The following TMEM131L variants were observed in gnomAD, a reference collection of about 807,000 sequenced individuals.
TMEM131L encodes the protein transmembrane protein 131-like.
Under a neutral mutation model 192.2 loss-of-function variants are expected in TMEM131L, and 54 were observed. That is an observed-to-expected ratio of 0.28 (90% CI 0.23 to 0.35). The LOEUF (loss-of-function observed/expected upper bound fraction) is 0.35. Among genes scored for constraint, TMEM131L ranks in the 10% least tolerant of loss-of-function variants. TMEM131L has a pLI of 1.00. For missense variants in TMEM131L, 1,888 were observed against 1,972.9 expected (o/e 0.96, Z 0.82); for synonymous variants, 701 against 704.9 (o/e 0.99, Z 0.09).
At chr4:153,570,436 A>G (rs1395237588) in intron 7 of TMEM131L, among the ~76,000 whole-genome samples, 1 of 152,108 alleles carries the variant, frequency 6.6e-6, no homozygotes. Context: ...ATTAGTCAGG[A>G]GGCTAATCTG....
intron 3 of TMEM131L, among the ~76,000 whole-genome samples, chr4:153,535,531 C>T (rs547895865): frequency 6.6e-5 from 10 of 151,900 alleles, no homozygotes; most frequent in Admixed American, 1.3e-4. Flanking sequence ...AGGTGGCCAG[C>T]GAGTTAGGGG....
intron 9 of TMEM131L, among the ~76,000 whole-genome samples, chr4:153,582,980 T>C (rs1475065463): frequency 6.6e-6 from 1 of 152,022 alleles, no homozygotes; most frequent in East Asian, 1.9e-4. Context: ...TAGGCATTTT[T>C]ATGAGGATCT....
chr4:153,605,488 C>T (rs1732162717), intron 25 of TMEM131L, among the ~76,000 whole-genome samples: 1 of 152,232 alleles, frequency 6.6e-6, no homozygotes, highest in Non-Finnish European at 1.5e-5. Flanking sequence ...CCATCCCAGC[C>T]TCCTGAGTAG....
At chr4:153,522,125 G>A (rs1735162887) in intron 3 of TMEM131L, among the ~76,000 whole-genome samples, 1 of 152,118 alleles carries the variant, frequency 6.6e-6, no homozygotes, top group Non-Finnish European at 1.5e-5. Context: ...ATTTTCAAGA[G>A]AGTGAGAAAT....
At chr4:153,574,425 T>A (rs1729798079) in intron 7 of TMEM131L, among the ~76,000 whole-genome samples, 5 of 152,138 alleles carry the variant, frequency 3.3e-5, no homozygotes, top group Admixed American at 3.3e-4. Context: ...CAGGAAACAC[T>A]AAATTAGGAG....
At chr4:153,484,737 A>G (rs13111094) in intron 3 of TMEM131L, among the ~76,000 whole-genome samples, 68,697 of 145,658 alleles carry the variant, frequency 0.47, 16,811 homozygotes, top group African/African-American at 0.61. Context: ...CAAAGTGCTG[A>G]GATTACAGGC....
intron 3 of TMEM131L, among the ~76,000 whole-genome samples, chr4:153,518,037 A>T (rs1734856463): frequency 6.6e-6 from 1 of 152,106 alleles, no homozygotes; most frequent in African/African-American, 2.4e-5. Context: ...GGGGTGAAAA[A>T]AAAAACAGTA....
At chr4:153,610,746 T>C (rs1732554480) in intron 25 of TMEM131L, among the ~76,000 whole-genome samples, 1 of 152,192 alleles carries the variant, frequency 6.6e-6, no homozygotes, top group African/African-American at 2.4e-5. Context: ...GCTCCTTTCC[T>C]TCTGTGGGTG....
intron 25 of TMEM131L, among the ~76,000 whole-genome samples, chr4:153,611,374 G>A (rs998379940): frequency 1.3e-5 from 2 of 152,236 alleles, no homozygotes; most frequent in Non-Finnish European, 2.9e-5. Context: ...AACTTTGACT[G>A]TAAAACTAAT....
intron 7 of TMEM131L, among the ~76,000 whole-genome samples, chr4:153,575,649 C>G (rs2150671433): frequency 6.6e-6 from 1 of 152,114 alleles, no homozygotes; most frequent in African/African-American, 2.4e-5. Flanking sequence ...AATATATAAA[C>G]TATATTAATA....
intron 3 of TMEM131L, among the ~76,000 whole-genome samples, chr4:153,527,978 G>T (rs1407369910): frequency 6.6e-6 from 1 of 152,166 alleles, no homozygotes; most frequent in Admixed American, 6.5e-5. Context: ...AGTTCAGTTT[G>T]TGTGTTGTGC....
chr4:153,565,319 C>T (rs1016152592), intron 7 of TMEM131L, among the ~76,000 whole-genome samples: 9 of 152,332 alleles, frequency 5.9e-5, no homozygotes, highest in Non-Finnish European at 1.2e-4. Context: ...AATAGCATAT[C>T]TACTAGTCAT....
intron 3 of TMEM131L, among the ~76,000 whole-genome samples, chr4:153,502,925 A>G (rs1733713640): frequency 6.6e-6 from 1 of 152,064 alleles, no homozygotes. Context: ...CCTAGATGTA[A>G]CATTTCTAGA....
chr4:153,566,529 G>T (rs1418796633), intron 7 of TMEM131L, among the ~76,000 whole-genome samples: 2 of 139,924 alleles, frequency 1.4e-5, no homozygotes, highest in Non-Finnish European at 3.0e-5. Context: ...GTGTGTGTGT[G>T]TGTGTGTGTG....
At chr4:153,594,549 A>C (rs1731295053) in intron 19 of TMEM131L, among the ~76,000 whole-genome samples, 1 of 152,238 alleles carries the variant, frequency 6.6e-6, no homozygotes. Flanking sequence ...TCTGTTGACA[A>C]AAAATACATA....
intron 25 of TMEM131L, among the ~76,000 whole-genome samples, chr4:153,607,331 C>T (rs7686634): frequency 0.68 from 104,070 of 152,138 alleles, 37,406 homozygotes; most frequent in African/African-American, 0.92. Context: ...TCTTTGCTAG[C>T]TTTGAAAAGT....
At chr4:153,598,793 G>T in intron 21 of TMEM131L, 61 bp downstream of exon 21, 1 of 1,312,530 alleles carries the variant, frequency 7.6e-7, no homozygotes, top group East Asian at 2.7e-5. Flanking sequence ...AGAGTGAAAG[G>T]ATTCTATAAA....
intron 3 of TMEM131L, among the ~76,000 whole-genome samples, chr4:153,492,000 G>GT (rs1732822069): frequency 6.6e-6 from 1 of 151,906 alleles, no homozygotes; most frequent in South Asian, 2.1e-4. Flanking sequence ...ACACCTGGCA[G>GT]TTTTTTCCTT....
At chr4:153,480,907 A>C (rs970579033) in intron 3 of TMEM131L, among the ~76,000 whole-genome samples, 1 of 152,046 alleles carries the variant, frequency 6.6e-6, no homozygotes, top group Non-Finnish European at 1.5e-5. Flanking sequence ...GGTGTGGTTG[A>C]GTCTTCATGT....
Sources: gnomAD v4.1 joint callset for allele counts (sites outside exome capture counted in the v4.1 genomes callset) on GRCh38, gnomAD v4.1.1 for gene constraint, MANE v1.5 for transcripts, NCBI Gene and HGNC (gene_info 2026-07-23, HGNC 2026-07-21) for gene names.